Variants in ATF7IP observed in about 807,000 individuals in gnomAD.
The protein encoded by ATF7IP is activating transcription factor 7-interacting protein 1.
Under a neutral mutation model 106.4 loss-of-function variants are expected in ATF7IP, and 23 were observed. The ratio of observed to expected loss-of-function variants is 0.22; its 90% CI spans 0.16 to 0.31. ATF7IP has a LOEUF of 0.31. ATF7IP is among the 10% of genes least tolerant of loss of function. ATF7IP has a pLI of 1.00. For missense variants in ATF7IP, 1,334 were observed against 1,524.3 expected (o/e 0.88, Z 2.08); for synonymous variants, 542 against 539.0 (o/e 1.01, Z -0.08).
rs766109599 is a variant in ATF7IP at position 14,499,756 on chromosome 12, G to T, written c.*1683G>T. The T allele has an allele frequency of 6.6e-6, 1 of 152,162 alleles. No individual in the cohort carries two copies. The highest frequency in any genetic ancestry group is 2.1e-4 in the South Asian group (1 of 4,828). The allele number at this position is 152,162 out of a possible 1,614,324, so 9.4% of individuals were successfully genotyped here. ...GGAGAATCGCTTGAACCCGGGAGGCGGAGGTTGCAGTGAGCTGAGATTGCG... is the reference window on the plus strand; with the variant it reads ...GGAGAATCGCTTGAACCCGGGAGGCTGAGGTTGCAGTGAGCTGAGATTGCG... On this transcript the variant is annotated 3_prime_UTR_variant, in exon 15 of 15. Coordinates refer to ENST00000261168, the MANE Select transcript of ATF7IP (RefSeq NM_018179.5).
At chr12:14,395,756 T>C (rs1425130368) in intron 1 of ATF7IP, among the ~76,000 whole-genome samples, 1 of 152,164 alleles carries the variant, frequency 6.6e-6, no homozygotes, top group Non-Finnish European at 1.5e-5. Context: ...TGTATATTTA[T>C]ACATATAACT....
At chr12:14,407,224 A>G (rs899779341) in intron 1 of ATF7IP, among the ~76,000 whole-genome samples, 1 of 152,220 alleles carries the variant, frequency 6.6e-6, no homozygotes, top group African/African-American at 2.4e-5. Context: ...TCATCAAAAC[A>G]CACTACTGGA....
intron 1 of ATF7IP, among the ~76,000 whole-genome samples, chr12:14,395,473 A>G (rs1385884564): frequency 6.6e-6 from 1 of 152,144 alleles, no homozygotes; most frequent in Non-Finnish European, 1.5e-5. Context: ...TCACATTTGA[A>G]TTGAAATGAA....
intron 9 of ATF7IP, 59 bp from the exon 10 acceptor site, chr12:14,466,467 G>GC: frequency 7.3e-7 from 1 of 1,361,694 alleles, no homozygotes; most frequent in South Asian, 1.2e-5. Flanking sequence ...TTCATATAAA[G>GC]CAACTTAACT....
chr12:14,386,882 T>C, intron 1 of ATF7IP, among the ~76,000 whole-genome samples: 1 of 152,172 alleles, frequency 6.6e-6, no homozygotes, highest in East Asian at 1.9e-4. Context: ...TTGATGTTCA[T>C]GAAGATGGAA....
Position 14,442,319 on chromosome 12 carries a change from TATGTTTTTTTGGTGTAGATACTACCC to T in ATF7IP, c.1929+4057_1929+4082del, listed in dbSNP as rs750248758. ...TATGATTGTGCTCTAGAGAGGGAAA[TATGTTTTTTTGGTGTAGATACTACCC>T]ATGTGGCAATTGTTGGCAACCGTTC... On this transcript the variant is annotated intron_variant, in intron 5 of 14. Transcript: ENST00000261168. Among the ~76,000 whole-genome samples the T allele has an allele frequency of 2.1e-3, 317 of 152,304 alleles. 1 individual carries two copies. Among genetic ancestry groups the T allele is most frequent in the Non-Finnish European group, 1.5e-3 (101 of 68,024 alleles).
intron 11 of ATF7IP, 132 bp downstream of exon 11, chr12:14,476,100 G>GT: frequency 2.8e-6 from 2 of 708,184 alleles, no homozygotes; most frequent in Non-Finnish European, 4.7e-6. Context: ...TGGAATGGAA[G>GT]TTTTTTAGAT....
intron 1 of ATF7IP, among the ~76,000 whole-genome samples, chr12:14,412,476 A>G (rs533521798): frequency 6.6e-6 from 1 of 152,194 alleles, no homozygotes; most frequent in Non-Finnish European, 1.5e-5. Context: ...AGTTTTCAGA[A>G]TATTAAGTTT....
chr12:14,464,676 A>G (rs1482030938), intron 9 of ATF7IP, among the ~76,000 whole-genome samples: 1 of 152,192 alleles, frequency 6.6e-6, no homozygotes, highest in Non-Finnish European at 1.5e-5. Flanking sequence ...ATGCAATGGA[A>G]CTATAAGATG....
chr12:14,463,727 A>G (rs1377920271), intron 9 of ATF7IP, among the ~76,000 whole-genome samples: 6 of 152,296 alleles, frequency 3.9e-5, no homozygotes, highest in East Asian at 1.9e-4. Flanking sequence ...AGGAAGACCA[A>G]TTAAGAGGCT....
At chr12:14,372,231 T>G (rs1938561809) in intron 1 of ATF7IP, among the ~76,000 whole-genome samples, 1 of 152,118 alleles carries the variant, frequency 6.6e-6, no homozygotes, top group South Asian at 2.1e-4. Flanking sequence ...GCATTTTAAT[T>G]TGTTGAAAAC....
At chr12:14,470,582 T>C (rs1246274878) in intron 10 of ATF7IP, among the ~76,000 whole-genome samples, 1 of 152,168 alleles carries the variant, frequency 6.6e-6, no homozygotes. Flanking sequence ...AGCCTGTCAC[T>C]TAATAGTGGG....
chr12:14,430,473 AT>A (rs1942061121), intron 2 of ATF7IP, among the ~76,000 whole-genome samples: 1 of 152,212 alleles, frequency 6.6e-6, no homozygotes, highest in Non-Finnish European at 1.5e-5. Context: ...CATAGGAGAT[AT>A]TATTTGCCAT....
chr12:14,454,250 C>G (rs544725871), intron 6 of ATF7IP, among the ~76,000 whole-genome samples: 1 of 152,210 alleles, frequency 6.6e-6, no homozygotes, highest in Admixed American at 6.5e-5. Context: ...TACTCTGAAG[C>G]TCCCTCTGGT....
Position 14,457,293 on chromosome 12 carries a change from C to A in ATF7IP, c.2156C>A (p.Thr719Lys). ...APPSFQTPVN[T>K]VSSTNLVTPP... ...CCATCCTTTCAAACTCCTGTGAATA[C>A]AGGTAACTTTTTTTTTAAATACCAA... Residue 719 changes from threonine to lysine, a missense_variant and splice_region_variant, in exon 8 of 15, where the codon ACA (threonine) becomes AAA (lysine). Thr to Lys is a moderately conservative substitution (Grantham distance 78). This residue lies in a region of ATF7IP where 171 missense variants were observed against 172.6 expected (regional missense o/e 0.99). Coordinates refer to ENST00000261168, the MANE Select transcript of ATF7IP (RefSeq NM_018179.5). 6.3e-7 allele frequency: 1 copy of A among 1,598,282 alleles called. No homozygotes were observed. The highest frequency in any genetic ancestry group is 8.5e-7 in the Non-Finnish European group (1 of 1,174,638).
intron 9 of ATF7IP, 83 bp from the exon 10 acceptor site, chr12:14,466,443 A>G: frequency 8.9e-7 from 1 of 1,118,106 alleles, no homozygotes; most frequent in Non-Finnish European, 1.3e-6. Flanking sequence ...GTTGGAGAAA[A>G]CTACATGAAT....
chr12:14,457,399 C>A, intron 8 of ATF7IP, 104 bp downstream of exon 8: 3 of 840,698 alleles, frequency 3.6e-6, no homozygotes, highest in Non-Finnish European at 3.6e-6. Flanking sequence ...AGAAATTGGG[C>A]ACATTGGTCT....
chr12:14,408,944 T>G (rs1336561231), intron 1 of ATF7IP, among the ~76,000 whole-genome samples: 1 of 152,152 alleles, frequency 6.6e-6, no homozygotes, highest in Non-Finnish European at 1.5e-5. Context: ...CAACACTACG[T>G]AGTTCACTAA....
intron 1 of ATF7IP, among the ~76,000 whole-genome samples, chr12:14,393,843 A>G (rs1939702072): frequency 6.6e-6 from 1 of 152,202 alleles, no homozygotes; most frequent in Non-Finnish European, 1.5e-5. Flanking sequence ...TAGATAATAA[A>G]TTAACTAAAA....
Sources: allele counts gnomAD v4.1 joint callset (sites outside exome capture counted in the v4.1 genomes callset), GRCh38; gene constraint gnomAD v4.1.1; regional missense constraint gnomAD v4.1.1; transcripts MANE v1.5; gene names NCBI Gene and HGNC (gene_info 2026-07-23, HGNC 2026-07-21).